Variants in PGC observed in about 807,000 individuals in gnomAD.
PGC encodes the protein gastricsin.
A neutral mutation model predicts 45.9 loss-of-function variants in PGC; 31 were observed. The observed-to-expected ratio is 0.67, with a 90% CI of 0.51 to 0.91. PGC has a LOEUF of 0.91. Ranked by LOEUF, PGC falls within the 40% of genes least tolerant of loss-of-function variation. The pLI, the probability that PGC is intolerant of heterozygous loss-of-function variation, is 0.00. For missense variants in PGC, 477 were observed against 493.2 expected, an observed-to-expected ratio of 0.97 and a Z score of 0.31; for synonymous variants, 192 against 201.8, an observed-to-expected ratio of 0.95 and a Z score of 0.41.
chr6:41,744,834 A>C lies in PGC; in HGVS notation c.60-26T>G, dbSNP rs558402112. 2.5e-6 allele frequency: 4 copies of C among 1,597,914 alleles called. No homozygotes were observed. The highest frequency in any genetic ancestry group is 1.7e-5 in the Admixed American group (1 of 59,058). ...CTACAGAAAGGTTGCATATGAGGCA[A>C]GGCCCTCCCTCCTTCCTCTCTTCCC... On this transcript the variant is annotated intron_variant, in intron 1 of 8. Coordinates refer to ENST00000373025, the MANE Select transcript of PGC (RefSeq NM_002630.4). This position sits in a 1 kb window ranked among gnomAD's most constrained non-coding sequence, Gnocchi z 4.4.
intron 5 of PGC, among the ~76,000 whole-genome samples, chr6:41,741,509 A>G (rs903022245): frequency 2.0e-5 from 3 of 152,126 alleles, no homozygotes; most frequent in African/African-American, 7.2e-5. Context: ...AGCCGAACAC[A>G]GTGGCGCATG....
At chr6:41,737,703 G>A in intron 8 of PGC, 27 bp downstream of exon 8, 4 of 1,378,168 alleles carry the variant, frequency 2.9e-6, no homozygotes, top group South Asian at 1.2e-5. Flanking sequence ...AATCATGGTG[G>A]CTCAGCCTGC....
Position 41,736,829 on chromosome 6 carries a change from G to T in PGC, c.*23C>A. The T allele has an allele frequency of 6.2e-7, 1 of 1,613,500 alleles. No individual in the cohort carries two copies. Among genetic ancestry groups the T allele is most frequent in the Non-Finnish European group, 8.5e-7 (1 of 1,179,500 alleles). On this transcript the variant is annotated 3_prime_UTR_variant, in exon 9 of 9. Coordinates refer to ENST00000373025, the MANE Select transcript of PGC (RefSeq NM_002630.4). ...GTGCAGGGTCAAGAGGAAGAGGGGA[G>T]CCCACGTGTCGAGGCAGCAAGTCTA... is the stretch of plus-strand genomic sequence containing the variant.
rs972624850 is a variant in PGC at position 41,743,265 on chromosome 6, A to T, written c.447+6T>A. 6.4e-7 allele frequency: 1 copy of T among 1,557,124 alleles called. No homozygotes were observed. Among genetic ancestry groups the T allele is most frequent in the Non-Finnish European group, 8.9e-7 (1 of 1,128,332 alleles). The stretch of plus-strand genomic sequence containing the variant: ...GCCCCAGCCTCCACTCCCCATGCCC[A>T]CTCACAGTCAGGGTGTCATAGCCAA... On this transcript the variant is annotated splice_donor_region_variant and intron_variant, in intron 4 of 8. Transcript: ENST00000373025.
In PGC at chr6:41,743,399, A is replaced by G. The variant is rs1264079843; in HGVS notation, c.329-10T>C. 1 of 1,577,042 alleles carries G rather than the reference A, an allele frequency of 6.3e-7. No homozygotes were observed. The highest frequency in any genetic ancestry group is 8.7e-7 in the Non-Finnish European group (1 of 1,146,424). On this transcript the variant is annotated splice_polypyrimidine_tract_variant and intron_variant, in intron 3 of 8. Transcript: ENST00000373025. The stretch of plus-strand genomic sequence containing the variant: ...AAGCGGGAGTGACTGGCTGCAGGGG[A>G]GTCAGGGCATGGGGAGTCAGGCCGG...
In PGC at chr6:41,747,292, C is replaced by T; in HGVS notation, c.43G>A (p.Glu15Lys). ...VVVLVCLQLL[E>K]AAVVKVPLKK... ...CAGACTCACTTGACCACTGCTGCCTCCAAGAGCTGGAGGCAGACCAAGACC... is the reference window on the plus strand; with the variant it reads ...CAGACTCACTTGACCACTGCTGCCTTCAAGAGCTGGAGGCAGACCAAGACC... Residue 15 changes from glutamate to lysine, a missense_variant, in exon 1 of 9, where the codon GAG becomes AAG. Glu to Lys is a moderately conservative substitution (Grantham distance 56). Coordinates refer to ENST00000373025, the MANE Select transcript of PGC (RefSeq NM_002630.4). 1 of 1,614,078 alleles carries T rather than the reference C, an allele frequency of 6.2e-7. No homozygotes were observed. Among genetic ancestry groups the T allele is most frequent in the South Asian group, 1.1e-5 (1 of 91,080 alleles).
Position 41,742,339 on chromosome 6 carries a change from C to T in PGC, c.598G>A (p.Val200Met), listed in dbSNP as rs1581953080. Residue 200 changes from valine to methionine, a missense_variant, in exon 5 of 9, where the codon GTG (valine) becomes ATG (methionine). Val to Met is a conservative substitution (Grantham distance 21). Coordinates refer to ENST00000373025, the MANE Select transcript of PGC (RefSeq NM_002630.4). Reference protein sequence around the residue: ...DEATTAMQGMVQEGALTSPVF... With the variant: ...DEATTAMQGMMQEGALTSPVF... ...GGGCTGGTGAGGGCGCCCTCCTGCA[C>T]CATGCCCTGCATAGCTGTGGTGGCC... 1 of 1,614,182 alleles carries T rather than the reference C, an allele frequency of 6.2e-7. No individual in the cohort carries two copies. The highest frequency in any genetic ancestry group is 8.5e-7 in the Non-Finnish European group (1 of 1,180,044).
intron 5 of PGC, among the ~76,000 whole-genome samples, chr6:41,741,417 G>T (rs1183462605): frequency 6.6e-6 from 1 of 152,134 alleles, no homozygotes; most frequent in Non-Finnish European, 1.5e-5. Context: ...AGGCCGAGGC[G>T]GGTGGATCAC....
intron 5 of PGC, chr6:41,741,097 C>A (rs763633983): frequency 2.0e-6 from 3 of 1,537,204 alleles, no homozygotes; most frequent in East Asian, 2.4e-5. Context: ...GGGATCCCCA[C>A]CCCGGCCCAG....
chr6:41,740,290 A>G (rs1000831353), intron 6 of PGC, among the ~76,000 whole-genome samples: 1 of 151,924 alleles, frequency 6.6e-6, no homozygotes, highest in African/African-American at 2.4e-5. Context: ...GCCCCTCCCT[A>G]TGTTGTCCAC....
At position 41,736,973 on chromosome 6, in the gene PGC, G is replaced by C; in HGVS notation, c.1046C>G (p.Pro349Arg). The C allele has an allele frequency of 6.2e-7, 1 of 1,614,088 alleles. No individual in the cohort carries two copies. The highest frequency in any genetic ancestry group is 8.5e-7 in the Non-Finnish European group (1 of 1,179,994). The change falls in exon 9 of 9, where the codon CCC becomes CGC. Residue 349 changes from proline to arginine, a missense_variant. Coordinates refer to ENST00000373025, the MANE Select transcript of PGC (RefSeq NM_002630.4). ...NNGYCTVGVE[P>R]TYLSSQNGQP... The stretch of plus-strand genomic sequence containing the variant: ...GCCGTTCTGGGAGGACAGGTAGGTG[G>C]GCTCGACTCCCACGGTGCAGTAGCC...
intron 8 of PGC, 111 bp from the exon 9 acceptor site, chr6:41,737,115 G>T: frequency 7.2e-6 from 8 of 1,116,134 alleles, no homozygotes; most frequent in Non-Finnish European, 1.0e-5. Context: ...GGGAGCCAGG[G>T]TCTCTGCCTT....
chr6:41,739,845 C>T lies in PGC; in HGVS notation c.869G>A (p.Ser290Asn), dbSNP rs777032892. 8.7e-6 allele frequency: 14 copies of T among 1,614,102 alleles called. No homozygotes were observed. The highest frequency in any genetic ancestry group is 1.6e-4 in the Middle Eastern group (1 of 6,062). The part of the protein sequence containing the change: ...SLLTVPQQYM[S>N]ALLQATGAQE... The stretch of plus-strand genomic sequence containing the variant: ...GGCCCCTGTGGCCTGCAGAAGAGCA[C>T]TCATGTACTGCTGGGGCACAGTGAG... Residue 290 changes from serine (S) to asparagine (N), a missense_variant, in exon 7 of 9, where the codon AGT becomes AAT. By Grantham distance (46) the Ser-to-Asn change is conservative (BLOSUM62 1). Transcript: ENST00000373025.
rs1561879965 is a variant in PGC, at chr6:41,738,226, G to GTATA, written c.916-399_916-398insTATA. 1.4e-3 allele frequency among the ~76,000 whole-genome samples: 81 copies of GTATA among 58,392 alleles called. 3 individuals are homozygous for GTATA. The highest frequency in any genetic ancestry group is 6.4e-3 in the African/African-American group (78 of 12,200). The allele number at this position is 58,392 out of a possible 152,430, so 38.3% of individuals were successfully genotyped here. ...TGCATATATATATGCATATATATAT[G>GTATA]CATATATATATGTATATATATATGC... is the stretch of plus-strand genomic sequence containing the variant. On this transcript the variant is annotated intron_variant, in intron 7 of 8. Coordinates refer to ENST00000373025, the MANE Select transcript of PGC (RefSeq NM_002630.4).
chr6:41,740,618 A>ATC lies in PGC; in HGVS notation c.648-9_648-8insGA, dbSNP rs747553487. On this transcript the variant is annotated splice_polypyrimidine_tract_variant and intron_variant, in intron 5 of 8. Transcript: ENST00000373025. Reference sequence around the variant, plus strand: ...CCGCTGGAGCCCTGCTGGCTGCAGGAGAGAAAGGGAAGGGGAAGTCAGGGA... The same window carrying ATC: ...CCGCTGGAGCCCTGCTGGCTGCAGGATCGAGAAAGGGAAGGGGAAGTCAGGGA... 2.1e-4 allele frequency: 337 copies of ATC among 1,589,116 alleles called. No individual in the cohort carries two copies. The highest frequency in any genetic ancestry group is 2.3e-4 in the Non-Finnish European group (266 of 1,169,100).
At position 41,743,181 on chromosome 6, in the gene PGC, G is replaced by A. The variant is rs546742575; in HGVS notation, c.447+90C>T. 92 of 818,658 alleles carry A rather than the reference G, an allele frequency of 1.1e-4. No individual in the cohort carries two copies. The East Asian group carries it at 2.2e-3, about 20-fold the overall frequency. 50.7% of individuals were successfully genotyped at this position (818,658 alleles called of 1,614,324 possible). A position where few individuals can be genotyped will look rare whatever the true frequency, so the allele number is the denominator to read the frequency against. On this transcript the variant is annotated intron_variant, in intron 4 of 8. Transcript: ENST00000373025. ...TCCTGTCCTGCACACCAGAACACTAGCATTCCACCGTGTTTCAGGAGAGTC... is the reference window on the plus strand; with the variant it reads ...TCCTGTCCTGCACACCAGAACACTAACATTCCACCGTGTTTCAGGAGAGTC...
intron 5 of PGC, chr6:41,741,853 T>G: frequency 6.5e-7 from 1 of 1,530,918 alleles, no homozygotes; most frequent in Non-Finnish European, 8.8e-7. Flanking sequence ...GCTAGAACAA[T>G]AGATAAAAGG....
At chr6:41,743,978 G>T (rs894614096) in intron 3 of PGC, among the ~76,000 whole-genome samples, 1 of 152,204 alleles carries the variant, frequency 6.6e-6, no homozygotes, top group Non-Finnish European at 1.5e-5. Flanking sequence ...TTGTTCTGTT[G>T]TGTCTCTTGG....
At chr6:41,747,181 G>A in intron 1 of PGC, 95 bp downstream of exon 1, 1 of 1,016,232 alleles carries the variant, frequency 9.8e-7, no homozygotes. Flanking sequence ...TCCCAGAGTA[G>A]AGACAGGCAG....
Sources: gnomAD v4.1 joint callset for allele counts (sites outside exome capture counted in the v4.1 genomes callset) on GRCh38, gnomAD v4.1.1 for gene constraint, Gnocchi (gnomAD v3.1) non-coding constraint, MANE v1.5 for transcripts, NCBI Gene and HGNC (gene_info 2026-07-23, HGNC 2026-07-21) for gene names.